The following COL25A1 variants were observed in gnomAD, a reference collection of about 807,000 sequenced individuals.
The protein encoded by COL25A1 is collagen type XXV alpha 1 chain, also known as collagen alpha-1(XXV) chain.
A neutral mutation model predicts 128.4 loss-of-function variants in COL25A1; 103 were observed. The observed-to-expected ratio is 0.80, with a 90% CI of 0.68 to 0.94. COL25A1 has a LOEUF of 0.94. Among genes scored for constraint, COL25A1 ranks in the 40% least tolerant of loss-of-function variants. The probability of loss-of-function intolerance (pLI) is 0.00; values close to 1 mark genes in which losing one functional copy is unlikely to be tolerated. For missense variants in COL25A1, 745 were observed against 840.0 expected (o/e 0.89, Z 1.40); for synonymous variants, 279 against 277.2 (o/e 1.01, Z -0.06).
intron 5 of COL25A1, chr4:109,022,185 G>A (rs1313910086): frequency 2.2e-6 from 1 of 453,350 alleles, no homozygotes; most frequent in Admixed American, 2.4e-5. Context: ...ATGTGATGTT[G>A]CCCCTGGCGG....
intron 8 of COL25A1, among the ~76,000 whole-genome samples, chr4:108,952,122 A>G (rs1329910594): frequency 6.6e-6 from 1 of 152,158 alleles, no homozygotes; most frequent in Non-Finnish European, 1.5e-5. Flanking sequence ...CCCTGTCTCA[A>G]TATATGGCAA....
At chr4:109,019,400 T>TATATATATATATATATATATATATATATA (rs1579105027) in intron 5 of COL25A1, among the ~76,000 whole-genome samples, 2 of 86,918 alleles carry the variant, frequency 2.3e-5, no homozygotes, top group Admixed American at 1.1e-4. Flanking sequence ...ATATATATAT[T>TATATATATATATATATATATATATATATA]TATATGTGTA....
chr4:108,948,125 G>A (rs1422096611), intron 8 of COL25A1, among the ~76,000 whole-genome samples: 1 of 152,012 alleles, frequency 6.6e-6, no homozygotes, highest in Non-Finnish European at 1.5e-5. Context: ...CTACAATAAG[G>A]TACAAAAATA....
Position 109,202,918 on chromosome 4 carries a change from T to C in COL25A1, c.367+97665A>G, listed in dbSNP as rs192309051. ...CATCTGTACAGATATATGGATATGT[T>C]GGAGAGGCAGCCAGGGGAGAGAAAG... is the stretch of plus-strand genomic sequence containing the variant. On this transcript the variant is annotated intron_variant, in intron 3 of 37. Transcript: ENST00000399132. Among the ~76,000 whole-genome samples the C allele has an allele frequency of 2.3e-3, 345 of 152,018 alleles. 1 individual carries two copies. Among genetic ancestry groups the C allele is most frequent in the African/African-American group, 7.6e-3 (317 of 41,486 alleles).
At chr4:109,277,546 TA>T (rs1328918734) in intron 3 of COL25A1, among the ~76,000 whole-genome samples, 4 of 152,228 alleles carry the variant, frequency 2.6e-5, no homozygotes, top group Non-Finnish European at 5.9e-5. Context: ...AGATTTGTCC[TA>T]TATGAAAATA....
intron 3 of COL25A1, among the ~76,000 whole-genome samples, chr4:109,256,004 A>C (rs1578563900): frequency 6.6e-6 from 1 of 151,306 alleles, no homozygotes; most frequent in South Asian, 2.1e-4. Flanking sequence ...TGCTAATCTC[A>C]CCTCCTCCAC....
At chr4:109,175,185 C>T (rs535793546) in intron 3 of COL25A1, among the ~76,000 whole-genome samples, 5 of 152,250 alleles carry the variant, frequency 3.3e-5, no homozygotes, top group African/African-American at 1.2e-4. Context: ...AGCTCTACTG[C>T]CAGAAAAGGA....
chr4:109,005,843 C>G (rs1755913681), intron 6 of COL25A1, among the ~76,000 whole-genome samples: 1 of 152,062 alleles, frequency 6.6e-6, no homozygotes, highest in African/African-American at 2.4e-5. Flanking sequence ...TTCCATTTTC[C>G]CAGAGCTAAC....
At chr4:108,875,454 T>C (rs1017556638) in intron 19 of COL25A1, among the ~76,000 whole-genome samples, 1 of 152,028 alleles carries the variant, frequency 6.6e-6, no homozygotes, top group Non-Finnish European at 1.5e-5. Flanking sequence ...AACAGACACA[T>C]GAAAAAATGT....
intron 3 of COL25A1, among the ~76,000 whole-genome samples, chr4:109,162,049 A>G (rs1270559626): frequency 1.3e-5 from 2 of 152,232 alleles, no homozygotes; most frequent in Non-Finnish European, 2.9e-5. Flanking sequence ...TGTAGTATCA[A>G]GAACATAGAA....
At chr4:109,103,927 A>T (rs1766150936) in intron 3 of COL25A1, among the ~76,000 whole-genome samples, 1 of 152,236 alleles carries the variant, frequency 6.6e-6, no homozygotes, top group Admixed American at 6.5e-5. Flanking sequence ...TTGAATACTG[A>T]TAAAGAAAAA....
chr4:109,276,567 T>C (rs1456205542), intron 3 of COL25A1, among the ~76,000 whole-genome samples: 1 of 152,148 alleles, frequency 6.6e-6, no homozygotes, highest in Non-Finnish European at 1.5e-5. Flanking sequence ...AGCACCACCT[T>C]GAAGAAGCCT....
At chr4:109,169,070 C>A (rs770948017) in intron 3 of COL25A1, among the ~76,000 whole-genome samples, 1 of 152,128 alleles carries the variant, frequency 6.6e-6, no homozygotes, top group African/African-American at 2.4e-5. Context: ...CCACACTCTA[C>A]GGTATACATT....
At chr4:108,959,034 G>GTTTGT (rs1750382194) in intron 8 of COL25A1, among the ~76,000 whole-genome samples, 2 of 151,772 alleles carry the variant, frequency 1.3e-5, no homozygotes, top group African/African-American at 4.8e-5. Context: ...ATATTTTGAT[G>GTTTGT]GACTCTGTCA....
Position 109,269,837 on chromosome 4 carries a change from C to T in COL25A1, c.367+30746G>A, listed in dbSNP as rs71603019. Among the ~76,000 whole-genome samples the T allele has an allele frequency of 5.5e-3, 834 of 152,172 alleles. 4 individuals are homozygous for T. Among genetic ancestry groups the T allele is most frequent in the Non-Finnish European group, 8.9e-3 (603 of 68,024 alleles). On this transcript the variant is annotated intron_variant, in intron 3 of 37. Transcript: ENST00000399132. The stretch of plus-strand genomic sequence containing the variant: ...ATTCCTCAATAAAATACTGGCAAAC[C>T]GAATCCAGCAGCACGTCAAAAAGCT...
chr4:108,914,212 G>A (rs539676678), intron 13 of COL25A1, among the ~76,000 whole-genome samples: 1 of 152,262 alleles, frequency 6.6e-6, no homozygotes, highest in South Asian at 2.1e-4. Flanking sequence ...ACAAGACATG[G>A]GGGATGGGGG....
At chr4:108,938,049 A>G (rs940287419) in intron 10 of COL25A1, among the ~76,000 whole-genome samples, 3 of 152,208 alleles carry the variant, frequency 2.0e-5, no homozygotes, top group Non-Finnish European at 4.4e-5. Context: ...ATTAGTCTAG[A>G]TTATCATGTC....
chr4:109,061,847 A>G (rs1762001200), intron 3 of COL25A1, among the ~76,000 whole-genome samples: 3 of 152,198 alleles, frequency 2.0e-5, no homozygotes, highest in African/African-American at 7.2e-5. Context: ...ATGTTTCCCC[A>G]TATGATTTCA....
chr4:109,143,955 T>A (rs112902204), intron 3 of COL25A1, among the ~76,000 whole-genome samples: 3,583 of 152,298 alleles, frequency 0.024, 123 homozygotes, highest in African/African-American at 0.074. Flanking sequence ...GGAGTTGTGA[T>A]CCTTTAAAGA....
Sources: gnomAD v4.1 joint callset for allele counts (sites outside exome capture counted in the v4.1 genomes callset) on GRCh38, gnomAD v4.1.1 for gene constraint, MANE v1.5 for transcripts, NCBI Gene and HGNC (gene_info 2026-07-23, HGNC 2026-07-21) for gene names.